The following ZFHX3 variants were observed in gnomAD, a reference collection of about 807,000 sequenced individuals.
ZFHX3 encodes zinc finger homeobox 3, also known as zinc finger homeobox protein 3.
In ZFHX3, 42 loss-of-function variants were observed where a neutral mutation model predicts 279.1. The ratio of observed to expected loss-of-function variants is 0.15; its 90% confidence interval spans 0.12 to 0.19. ZFHX3 has a LOEUF of 0.19. ZFHX3 is among the 10% of genes least tolerant of loss of function. ZFHX3 has a pLI of 1.00. For synonymous variants in ZFHX3, 2,293 were observed against 1,957.8 expected (o/e 1.17, Z -4.52); for missense variants, 4,981 against 4,754.0 (o/e 1.05, Z -1.40).
exon 1 of ZFHX3, chr16:73,058,699 C>T (rs1567654244): frequency 4.6e-5 from 6 of 130,956 alleles, no homozygotes; most frequent in Middle Eastern, 8.3e-3. Context: ...GCGCTGCTGG[C>T]GGCGGCGGCG....
At chr16:73,303,799 C>G (rs957913842) in intron 4 of ZFHX3, among the ~76,000 whole-genome samples, 9 of 151,806 alleles carry the variant, frequency 5.9e-5, no homozygotes, top group African/African-American at 2.2e-4. Context: ...AGTCTCTTAA[C>G]CAAGCCACCA....
chr16:73,536,885 A>G (rs2019911288), intron 2 of ZFHX3, among the ~76,000 whole-genome samples: 1 of 152,156 alleles, frequency 6.6e-6, no homozygotes. Flanking sequence ...TCTGTGTTTT[A>G]TTATTTGGGA....
chr16:73,777,805 T>G (rs747248757), intron 1 of ZFHX3, among the ~76,000 whole-genome samples: 1 of 152,146 alleles, frequency 6.6e-6, no homozygotes, highest in Non-Finnish European at 1.5e-5. Context: ...CTCAGGCAGG[T>G]TACTGCCTCA....
intron 3 of ZFHX3, among the ~76,000 whole-genome samples, chr16:72,919,291 T>C (rs1040247181): frequency 2.0e-5 from 3 of 152,052 alleles, no homozygotes; most frequent in Non-Finnish European, 4.4e-5. Flanking sequence ...CCCAAGTAGC[T>C]AGGACTACAG....
At chr16:72,913,767 T>C (rs552695490) in intron 3 of ZFHX3, among the ~76,000 whole-genome samples, 23 of 152,332 alleles carry the variant, frequency 1.5e-4, no homozygotes, top group Middle Eastern at 3.4e-3. Context: ...CTTCTCTTTA[T>C]GCAAACAAAG....
chr16:73,308,445 C>G (rs1171296279), intron 4 of ZFHX3, among the ~76,000 whole-genome samples: 1 of 151,682 alleles, frequency 6.6e-6, no homozygotes, highest in Non-Finnish European at 1.5e-5. Context: ...CACTCACCAC[C>G]ATGCCTGGCT....
In ZFHX3 at chr16:73,261,232, T is replaced by TA. The variant is rs986468449; in HGVS notation, c.-1193-4097dup. Among the ~76,000 whole-genome samples, 5 of 151,860 alleles carry TA rather than the reference T, an allele frequency of 3.3e-5. No homozygotes were observed. In the South Asian group the frequency reaches 8.3e-4, roughly 25 times the overall value. ...TTGCTTCAAAAATATATTGTTAAAC[T>TA]AAAAAAAATACAACTTTGTGTCTAG... On this transcript the variant is annotated intron_variant, in intron 4 of 17. Transcript: ENST00000641206.
chr16:73,404,520 C>G (rs906325840), intron 3 of ZFHX3, among the ~76,000 whole-genome samples: 1 of 152,196 alleles, frequency 6.6e-6, no homozygotes, highest in Non-Finnish European at 1.5e-5. Context: ...ACCGTTAAAT[C>G]ACATCACCTG....
chr16:72,788,104 A>C lies in ZFHX3; in HGVS notation c.10172T>G (p.Val3391Gly). 1 of 1,608,206 alleles carries C rather than the reference A, an allele frequency of 6.2e-7. No individual in the cohort carries two copies. The highest frequency in any genetic ancestry group is 8.5e-7 in the Non-Finnish European group (1 of 1,176,708). Residue 3391 changes from valine to glycine, a missense_variant, in exon 10 of 10, where the codon GTG becomes GGG. This residue lies in a region of ZFHX3 where 1,034 missense variants were observed against 786.0 expected (regional missense o/e 1.32). Coordinates refer to ENST00000268489, the MANE Select transcript of ZFHX3 (RefSeq NM_006885.4). The part of the protein sequence containing the change: ...RQLQQQQQQK[V>G]QQQQPKASQT... ...GCTTGCTTTGGGCTGCTGCTGCTGCACTTTTTGCTGCTGCTGCTGCTGTAG... is the reference window on the plus strand; with the variant it reads ...GCTTGCTTTGGGCTGCTGCTGCTGCCCTTTTTGCTGCTGCTGCTGCTGTAG...
upstream of ZFHX3, among the ~76,000 whole-genome samples, chr16:73,050,175 C>CTT (rs1965424018): frequency 6.6e-6 from 1 of 152,234 alleles, no homozygotes; most frequent in Non-Finnish European, 1.5e-5. Flanking sequence ...GGCCCACAGA[C>CTT]AAATACCTTC....
chr16:73,361,939 C>G (rs558859484), intron 3 of ZFHX3, among the ~76,000 whole-genome samples: 1 of 152,296 alleles, frequency 6.6e-6, no homozygotes, highest in South Asian at 2.1e-4. Flanking sequence ...TTGCCCCAAT[C>G]AGGCAGCCCA....
At chr16:73,795,212 T>C (rs369868) in intron 1 of ZFHX3, among the ~76,000 whole-genome samples, 10,160 of 152,300 alleles carry the variant, frequency 0.067, 448 homozygotes, top group East Asian at 0.13. Flanking sequence ...CTGGCTCTGA[T>C]ACATATGCCA....
At chr16:73,650,207 T>C (rs951916693) in intron 2 of ZFHX3, among the ~76,000 whole-genome samples, 4 of 152,042 alleles carry the variant, frequency 2.6e-5, no homozygotes, top group South Asian at 2.1e-4. Flanking sequence ...AATAAGAACC[T>C]TTAAGTAGCT....
intron 3 of ZFHX3, among the ~76,000 whole-genome samples, chr16:73,347,298 C>G (rs1344004660): frequency 6.6e-6 from 1 of 152,234 alleles, no homozygotes; most frequent in Non-Finnish European, 1.5e-5. Flanking sequence ...GCTACCTTTT[C>G]TTAGCTCCAT....
At chr16:73,506,094 A>G (rs2019321243) in intron 2 of ZFHX3, among the ~76,000 whole-genome samples, 1 of 152,190 alleles carries the variant, frequency 6.6e-6, no homozygotes, top group African/African-American at 2.4e-5. Flanking sequence ...TTGCAGACAA[A>G]GATAATAGAA....
intron 1 of ZFHX3, among the ~76,000 whole-genome samples, chr16:73,727,898 G>A (rs557975521): frequency 3.6e-4 from 54 of 152,100 alleles, no homozygotes; most frequent in African/African-American, 1.1e-3. Flanking sequence ...AAAAGCTAAC[G>A]GGTAAATCTT....
chr16:73,063,930 G>T (rs1965716002), upstream of ZFHX3, among the ~76,000 whole-genome samples: 1 of 152,152 alleles, frequency 6.6e-6, no homozygotes, highest in Non-Finnish European at 1.5e-5. Flanking sequence ...CTTTTGTTAT[G>T]GTTCAGTGTC....
chr16:73,031,279 C>CGG (rs35908157), intron 1 of ZFHX3, among the ~76,000 whole-genome samples: 7 of 151,338 alleles, frequency 4.6e-5, no homozygotes, highest in African/African-American at 7.3e-5. Context: ...AGCCTGGCGG[C>CGG]GGGGGGGGAA....
chr16:73,722,105 G>C (rs1328144645), intron 1 of ZFHX3, among the ~76,000 whole-genome samples: 1 of 152,196 alleles, frequency 6.6e-6, no homozygotes, highest in Non-Finnish European at 1.5e-5. Context: ...TCAGCAGCTA[G>C]TAAGCACTTC....
Sources: gnomAD v4.1 joint callset for allele counts (sites outside exome capture counted in the v4.1 genomes callset) on GRCh38, gnomAD v4.1.1 for gene constraint, gnomAD v4.1.1 regional missense constraint, MANE v1.5 for transcripts, NCBI Gene and HGNC (gene_info 2026-07-23, HGNC 2026-07-21) for gene names.